ANGPT1: variants seen among roughly 807,000 people sequenced by gnomAD.
ANGPT1 encodes angiopoietin-1.
ANGPT1 carries 17 observed loss-of-function variants against 62.2 expected under a neutral mutation model. The ratio of observed to expected loss-of-function variants is 0.27; its 90% CI spans 0.19 to 0.41. The LOEUF (loss-of-function observed/expected upper bound fraction) is 0.41. Among genes scored for constraint, ANGPT1 ranks in the 10% least tolerant of loss-of-function variants. The probability of loss-of-function intolerance (pLI) is 1.00; values close to 1 mark genes in which losing one functional copy is unlikely to be tolerated. For missense variants in ANGPT1, 478 were observed against 594.9 expected (o/e 0.80, Z 2.04); for synonymous variants, 199 against 198.9 (o/e 1.00, Z 0.00).
chr8:107,297,933 G>A (rs538264503), intron 5 of ANGPT1, among the ~76,000 whole-genome samples: 2 of 151,964 alleles, frequency 1.3e-5, no homozygotes, highest in African/African-American at 4.8e-5. Context: ...AAAGATTTGA[G>A]ACATGAAAGA....
chr8:107,434,973 C>CT (rs1811294544), intron 1 of ANGPT1, among the ~76,000 whole-genome samples: 1 of 152,058 alleles, frequency 6.6e-6, no homozygotes, highest in South Asian at 2.1e-4. Flanking sequence ...CTTGTTTGCC[C>CT]TTTAGTGATT....
chr8:107,404,564 T>C (rs1363894136), intron 1 of ANGPT1, among the ~76,000 whole-genome samples: 3 of 151,092 alleles, frequency 2.0e-5, no homozygotes, highest in Admixed American at 1.3e-4. Flanking sequence ...AACTATTTTT[T>C]AGCAGCTGCT....
intron 1 of ANGPT1, among the ~76,000 whole-genome samples, chr8:107,472,894 G>A (rs141361795): frequency 1.1e-4 from 16 of 152,120 alleles, no homozygotes; most frequent in African/African-American, 3.6e-4. Flanking sequence ...GAAGAAAAGT[G>A]TTGGCTAATT....
intron 1 of ANGPT1, among the ~76,000 whole-genome samples, chr8:107,436,985 T>C (rs1811352018): frequency 6.6e-6 from 1 of 152,234 alleles, no homozygotes; most frequent in Non-Finnish European, 1.5e-5. Context: ...ACATGTCAGC[T>C]ACTTAATTTT....
chr8:107,373,927 T>C (rs1189648533), intron 1 of ANGPT1, among the ~76,000 whole-genome samples: 1 of 152,228 alleles, frequency 6.6e-6, no homozygotes, highest in African/African-American at 2.4e-5. Context: ...AGATACTGCC[T>C]ATGCTAGCAC....
At chr8:107,431,550 C>T (rs1165618547) in intron 1 of ANGPT1, among the ~76,000 whole-genome samples, 2 of 152,174 alleles carry the variant, frequency 1.3e-5, no homozygotes, top group Non-Finnish European at 2.9e-5. Context: ...TGCCCTCTTC[C>T]AGGAATGTCT....
chr8:107,297,077 T>C (rs1814433583), intron 5 of ANGPT1, among the ~76,000 whole-genome samples: 1 of 152,030 alleles, frequency 6.6e-6, no homozygotes, highest in Non-Finnish European at 1.5e-5. Flanking sequence ...TCCAGTGACT[T>C]GTAAATGTTC....
intron 1 of ANGPT1, among the ~76,000 whole-genome samples, chr8:107,420,327 G>A (rs1280449498): frequency 6.6e-6 from 1 of 152,086 alleles, no homozygotes; most frequent in Non-Finnish European, 1.5e-5. Context: ...TGTAAAAAGT[G>A]TTTCTAATCC....
chr8:107,292,711 T>C (rs545482242), intron 6 of ANGPT1, among the ~76,000 whole-genome samples: 1 of 152,304 alleles, frequency 6.6e-6, no homozygotes, highest in African/African-American at 2.4e-5. Context: ...AAAATGTAGA[T>C]GCAGTGACAC....
chr8:107,429,357 T>G (rs552269021), intron 1 of ANGPT1, among the ~76,000 whole-genome samples: 1 of 152,262 alleles, frequency 6.6e-6, no homozygotes, highest in African/African-American at 2.4e-5. Context: ...CACTTAACAG[T>G]TCAGTTAACA....
At chr8:107,322,628 C>A in intron 3 of ANGPT1, 1 of 207,282 alleles carries the variant, frequency 4.8e-6, no homozygotes, top group East Asian at 1.5e-4. Flanking sequence ...GTATATTGAC[C>A]ATCTGCAAAA....
At chr8:107,286,236 C>A (rs1446048221) in intron 6 of ANGPT1, among the ~76,000 whole-genome samples, 2 of 152,010 alleles carry the variant, frequency 1.3e-5, no homozygotes, top group Non-Finnish European at 2.9e-5. Flanking sequence ...TCAGTTATTG[C>A]AATATTTATA....
At chr8:107,270,588 C>T (rs1048183399) in intron 7 of ANGPT1, among the ~76,000 whole-genome samples, 6 of 152,006 alleles carry the variant, frequency 3.9e-5, no homozygotes, top group African/African-American at 1.4e-4. Context: ...AAGAACTGGG[C>T]ACCATTAGCC....
chr8:107,252,729 A>G (rs1255720074), intron 8 of ANGPT1, among the ~76,000 whole-genome samples: 1 of 152,224 alleles, frequency 6.6e-6, no homozygotes, highest in African/African-American at 2.4e-5. Context: ...GATGAGTAAC[A>G]TGGAAATTCT....
At chr8:107,496,765 A>G (rs917447834) in intron 1 of ANGPT1, among the ~76,000 whole-genome samples, 3 of 152,148 alleles carry the variant, frequency 2.0e-5, no homozygotes, top group Non-Finnish European at 2.9e-5. Flanking sequence ...CCAACCAAAT[A>G]TCATATTTTA....
chr8:107,286,764 T>G (rs1814151935), intron 6 of ANGPT1, among the ~76,000 whole-genome samples: 1 of 152,164 alleles, frequency 6.6e-6, no homozygotes, highest in African/African-American at 2.4e-5. Context: ...AGTACTCCAT[T>G]GGCTCTTTAC....
intron 7 of ANGPT1, among the ~76,000 whole-genome samples, chr8:107,280,606 T>C (rs1461485204): frequency 2.0e-5 from 3 of 152,262 alleles, no homozygotes; most frequent in East Asian, 1.9e-4. Context: ...GAATATAGCA[T>C]AAACAAAGGC....
intron 1 of ANGPT1, among the ~76,000 whole-genome samples, chr8:107,372,373 A>G (rs1269545283): frequency 6.6e-6 from 1 of 152,168 alleles, no homozygotes; most frequent in Admixed American, 6.5e-5. Context: ...ATAAGAAAAA[A>G]ATGTCGGGAA....
intron 1 of ANGPT1, among the ~76,000 whole-genome samples, chr8:107,351,245 CA>C (rs111802918): frequency 2.0e-5 from 3 of 151,496 alleles, no homozygotes; most frequent in Admixed American, 6.6e-5. Context: ...TACTTTCAAG[CA>C]AAAAAAAGTT....
Sources: allele counts gnomAD v4.1 joint callset (sites outside exome capture counted in the v4.1 genomes callset), GRCh38; gene constraint gnomAD v4.1.1; transcripts MANE v1.5; gene names NCBI Gene and HGNC (gene_info 2026-07-23, HGNC 2026-07-21).